The following TALDO1 variants were observed in gnomAD, a reference collection of about 807,000 sequenced individuals.
TALDO1 encodes the protein transaldolase 1, also known as transaldolase.
In TALDO1, 29 loss-of-function variants were observed where a neutral mutation model predicts 38.1. That is an observed-to-expected ratio of 0.76 (90% CI 0.57 to 1.04). The LOEUF (loss-of-function observed/expected upper bound fraction) is 1.04. TALDO1 is among the 50% of genes least tolerant of loss of function. The pLI is 0.00. For missense variants in TALDO1, 499 were observed against 438.1 expected (o/e 1.14, Z -1.24); for synonymous variants, 207 against 176.8 (o/e 1.17, Z -1.36).
chr11:757,867 T>C (rs1258384078), intron 2 of TALDO1, among the ~76,000 whole-genome samples: 1 of 152,168 alleles, frequency 6.6e-6, no homozygotes, highest in Non-Finnish European at 1.5e-5. Context: ...CTGGGGGCAG[T>C]GGTGCACGCC....
rs143370892 is a variant in TALDO1 at position 756,139 on chromosome 11, T to A, written c.221+137T>A. The stretch of plus-strand genomic sequence containing the variant: ...GAAAAAAACCCTATCTTTTTGCCTA[T>A]TTTTGTTTATTGAAGTGTAATCTGC... On this transcript the variant is annotated intron_variant, in intron 2 of 7. Coordinates refer to ENST00000319006, the MANE Select transcript of TALDO1 (RefSeq NM_006755.2). The A allele has an allele frequency of 5.0e-5, 65 of 1,312,844 alleles. No individual in the cohort carries two copies. The African/African-American group carries it at 8.6e-4, about 17-fold the overall frequency. The allele number at this position is 1,312,844 out of a possible 1,614,324, so 81.3% of individuals were successfully genotyped here. A position where few individuals can be genotyped will look rare whatever the true frequency, so the allele number is the denominator to read the frequency against.
chr11:757,717 T>G (rs1194480577), intron 2 of TALDO1, among the ~76,000 whole-genome samples: 1 of 152,164 alleles, frequency 6.6e-6, no homozygotes, highest in Non-Finnish European at 1.5e-5. Context: ...CCAATAACTT[T>G]GAAGAGATAG....
At chr11:763,989 A>G in intron 6 of TALDO1, 45 bp downstream of exon 6, 1 of 1,592,832 alleles carries the variant, frequency 6.3e-7, no homozygotes, top group South Asian at 1.1e-5. Context: ...GGGCAAGGCC[A>G]GCACTGCCGT....
At chr11:758,790 G>A (rs1862884556) in intron 2 of TALDO1, among the ~76,000 whole-genome samples, 160 bp from the exon 3 acceptor site, 3 of 152,052 alleles carry the variant, frequency 2.0e-5, no homozygotes, top group Non-Finnish European at 4.4e-5. Context: ...TATTTTTAGT[G>A]GAGACGGGGT....
chr11:756,185 G>GAA, intron 2 of TALDO1, 183 bp downstream of exon 2: 1 of 840,418 alleles, frequency 1.2e-6, no homozygotes, highest in Non-Finnish European at 1.8e-6. Flanking sequence ...CTGCACCTGT[G>GAA]GTAAATGAGC....
chr11:758,520 GA>G (rs962568458), intron 2 of TALDO1, among the ~76,000 whole-genome samples: 8 of 149,154 alleles, frequency 5.4e-5, no homozygotes, highest in Admixed American at 4.0e-4. Context: ...TGTTTTAAGA[GA>G]AAAAAAAAGA....
chr11:763,712 G>A (rs372448086), intron 5 of TALDO1, 35 bp from the exon 6 acceptor site: 284 of 1,611,874 alleles, frequency 1.8e-4, no homozygotes, highest in African/African-American at 2.0e-4. Flanking sequence ...TACCTCTGCC[G>A]AAGCCTTCCT....
chr11:748,993 A>G (rs1047582385), intron 1 of TALDO1, among the ~76,000 whole-genome samples: 4 of 152,100 alleles, frequency 2.6e-5, no homozygotes, highest in Non-Finnish European at 2.9e-5. Flanking sequence ...GCTGGTGCGG[A>G]GTGTCAGGTC....
Position 763,864 on chromosome 11 carries a change from T to G in TALDO1, c.755T>G (p.Phe252Cys). ...GEIKALAGCD[F>C]LTISPKLLGE... ...ATCAAAGCACTGGCCGGCTGTGACT[T>G]CCTCACCATCTCACCCAAGCTCCTG... The change falls in exon 6 of 8, where the codon TTC (phenylalanine) becomes TGC (cysteine). Residue 252 changes from phenylalanine (F) to cysteine (C), a missense_variant. Transcript: ENST00000319006. 6.2e-7 allele frequency: 1 copy of G among 1,613,850 alleles called. No individual in the cohort carries two copies. Among genetic ancestry groups the G allele is most frequent in the Non-Finnish European group, 8.5e-7 (1 of 1,180,000 alleles).
intron 2 of TALDO1, 198 bp downstream of exon 2, chr11:756,200 C>T: frequency 1.3e-6 from 1 of 784,000 alleles, no homozygotes; most frequent in Non-Finnish European, 2.0e-6. Flanking sequence ...ATGAGCAGTT[C>T]AGAGAGTTTT....
intron 1 of TALDO1, among the ~76,000 whole-genome samples, chr11:749,493 G>A (rs1338353840): frequency 3.3e-5 from 5 of 150,970 alleles, no homozygotes; most frequent in Admixed American, 2.6e-4. Flanking sequence ...GATAGTATAT[G>A]TTCATAAATG....
chr11:762,476 A>G (rs756579255), intron 4 of TALDO1, among the ~76,000 whole-genome samples: 7 of 152,012 alleles, frequency 4.6e-5, no homozygotes, highest in African/African-American at 1.2e-4. Flanking sequence ...CAGATGTGCA[A>G]GTTTTGTCCT....
At chr11:759,764 T>G (rs1326010419) in intron 3 of TALDO1, among the ~76,000 whole-genome samples, 1 of 152,152 alleles carries the variant, frequency 6.6e-6, no homozygotes, top group East Asian at 1.9e-4. Flanking sequence ...GTATTTTTAG[T>G]AGCGACAGGG....
rs766992107 is a variant in TALDO1, at chr11:763,871, C to T, written c.762C>T (p.Thr254=). ...CACTGGCCGGCTGTGACTTCCTCAC[C>T]ATCTCACCCAAGCTCCTGGGAGAGC... The part of the protein sequence containing the change: ...IKALAGCDFL[T]ISPKLLGELL... Residue 254 remains threonine, a synonymous_variant, in exon 6 of 8, where the codon ACC becomes ACT. Transcript: ENST00000319006. 1 of 1,613,786 alleles carries T rather than the reference C, an allele frequency of 6.2e-7. No individual in the cohort carries two copies. The highest frequency in any genetic ancestry group is 8.5e-7 in the Non-Finnish European group (1 of 1,180,022).
rs1043591774 is a variant in TALDO1 at position 747,557 on chromosome 11, G to A, written c.76G>A (p.Ala26Thr). 1.1e-5 allele frequency: 17 copies of A among 1,587,650 alleles called. No homozygotes were observed. Among genetic ancestry groups the A allele is most frequent in the Non-Finnish European group, 1.5e-5 (17 of 1,169,612 alleles). The change falls in exon 1 of 8, where the codon GCC becomes ACC. Residue 26 changes from alanine (A) to threonine (T), a missense_variant. Ala to Thr is a moderately conservative substitution (Grantham distance 58). Coordinates refer to ENST00000319006, the MANE Select transcript of TALDO1 (RefSeq NM_006755.2). ...DQLKQFTTVVADTGDFHAIDE... is the reference protein window; with the variant it reads ...DQLKQFTTVVTDTGDFHAIDE... Reference sequence around the variant, plus strand: ...GCTCAAGCAGTTCACCACCGTGGTGGCCGACACGGGCGACTTCCACGGTGA... The same window carrying A: ...GCTCAAGCAGTTCACCACCGTGGTGACCGACACGGGCGACTTCCACGGTGA...
Position 763,833 on chromosome 11 carries a change from G to A in TALDO1, c.724G>A (p.Gly242Ser), listed in dbSNP as rs1863000839. Residue 242 changes from glycine to serine, a missense_variant, in exon 6 of 8, where the codon GGC becomes AGC. By Grantham distance (56) the Gly-to-Ser change is moderately conservative. Coordinates refer to ENST00000319006, the MANE Select transcript of TALDO1 (RefSeq NM_006755.2). ...CATGGGCGCCTCCTTCCGCAACACG[G>A]GCGAGATCAAAGCACTGGCCGGCTG... ...IVMGASFRNTGEIKALAGCDF... is the reference protein window; with the variant it reads ...IVMGASFRNTSEIKALAGCDF... 7.4e-6 allele frequency: 12 copies of A among 1,614,016 alleles called. No homozygotes were observed. Among genetic ancestry groups the A allele is most frequent in the Non-Finnish European group, 9.3e-6 (11 of 1,180,018 alleles).
intron 3 of TALDO1, 78 bp downstream of exon 3, chr11:759,135 A>C (rs1862891094): frequency 8.1e-7 from 1 of 1,242,116 alleles, no homozygotes; most frequent in South Asian, 1.2e-5. Flanking sequence ...CATGAGGTCA[A>C]GGGGCTGCTC....
chr11:751,578 G>C (rs895033661), intron 1 of TALDO1, among the ~76,000 whole-genome samples: 18 of 152,168 alleles, frequency 1.2e-4, no homozygotes, highest in African/African-American at 4.3e-4. Context: ...TGGATCACCT[G>C]AGGTCAAGAG....
chr11:764,273 G>T lies in TALDO1; in HGVS notation c.836-15G>T. On this transcript the variant is annotated splice_polypyrimidine_tract_variant and intron_variant, in intron 6 of 7. Coordinates refer to ENST00000319006, the MANE Select transcript of TALDO1 (RefSeq NM_006755.2). ...GACATGGAGCAGGCATGGAAGGCTG[G>T]TTCTTGTCCCCCAGCCCAAGCCAGT... 1 of 1,614,114 alleles carries T rather than the reference G, an allele frequency of 6.2e-7. No individual in the cohort carries two copies. Among genetic ancestry groups the T allele is most frequent in the South Asian group, 1.1e-5 (1 of 91,090 alleles).
Sources: gnomAD v4.1 joint callset for allele counts (sites outside exome capture counted in the v4.1 genomes callset) on GRCh38, gnomAD v4.1.1 for gene constraint, MANE v1.5 for transcripts, NCBI Gene and HGNC (gene_info 2026-07-23, HGNC 2026-07-21) for gene names.